The following TASOR2 variants were observed in gnomAD, a reference collection of about 807,000 sequenced individuals.
TASOR2 encodes protein TASOR 2.
TASOR2 carries 84 observed loss-of-function variants against 199.5 expected under a neutral mutation model. The ratio of observed to expected loss-of-function variants is 0.42; its 90% CI spans 0.35 to 0.50. The LOEUF (loss-of-function observed/expected upper bound fraction) is 0.50, where lower values mean the gene tolerates loss of function less well. TASOR2 is among the 20% of genes least tolerant of loss of function. The probability of loss-of-function intolerance (pLI) is 0.02; values close to 1 mark genes in which losing one functional copy is unlikely to be tolerated. For missense variants in TASOR2, 2,796 were observed against 2,835.9 expected (o/e 0.99, Z 0.32); for synonymous variants, 1,103 against 1,046.6 (o/e 1.05, Z -1.04).
At chr10:5,749,693 A>G (rs1419863311) in exon 15 of TASOR2, 1 of 1,614,116 alleles carries the variant, frequency 6.2e-7, no homozygotes, top group Non-Finnish European at 8.5e-7. Context: ...GTTTCATTCC[A>G]CCTCAACAAA....
At chr10:5,723,348 G>C (rs1833635132) in intron 6 of TASOR2, among the ~76,000 whole-genome samples, 1 of 151,974 alleles carries the variant, frequency 6.6e-6, no homozygotes, top group Non-Finnish European at 1.5e-5. Flanking sequence ...GAGCCACCGT[G>C]CCTGGCAAAT....
At chr10:5,734,551 T>G (rs1310340745) in intron 11 of TASOR2, among the ~76,000 whole-genome samples, 1 of 152,134 alleles carries the variant, frequency 6.6e-6, no homozygotes. Flanking sequence ...TCTCCAAATA[T>G]ATTGCTGTCT....
In TASOR2 at chr10:5,722,608, T is replaced by C. The variant is rs1197579196; in HGVS notation, c.147-1069T>C. 6.6e-6 allele frequency among the ~76,000 whole-genome samples: 1 copy of C among 152,186 alleles called. No homozygotes were observed. Among genetic ancestry groups the C allele is most frequent in the Non-Finnish European group, 1.5e-5 (1 of 68,030 alleles). ...AGAGAATGACAAAGCAAACATGGTA[T>C]ACTGTTAATATTTGGGAAATCTGGA... is the stretch of plus-strand genomic sequence containing the variant. On this transcript the variant is annotated intron_variant, in intron 6 of 20. Coordinates refer to ENST00000328090, the Ensembl canonical transcript of TASOR2. The surrounding 1 kb of genome is among the most constrained non-coding windows in gnomAD (Gnocchi z 4.0).
chr10:5,748,968 T>C lies in TASOR2; in HGVS notation c.5547T>C (p.Tyr1849=), dbSNP rs552836007. The change falls in exon 15 of 21, where the codon TAT becomes TAC. Residue 1849 remains tyrosine, a synonymous_variant. Transcript: ENST00000328090. The surrounding 1 kb of genome is among the most constrained non-coding windows in gnomAD (Gnocchi z 5.1). Reference sequence around the variant, plus strand: ...CCAGACTGGATTTGGAGGATTCTTATACTTTAAGAGGTAGTTACACCAGGA... The same window carrying C: ...CCAGACTGGATTTGGAGGATTCTTACACTTTAAGAGGTAGTTACACCAGGA... 71 of 1,614,132 alleles carry C rather than the reference T, an allele frequency of 4.4e-5. No individual in the cohort carries two copies. Among genetic ancestry groups the C allele is most frequent in the East Asian group, 8.9e-5 (4 of 44,866 alleles).
At chr10:5,724,468 G>C (rs778947171) in exon 8 of TASOR2, 1 of 1,540,888 alleles carries the variant, frequency 6.5e-7, no homozygotes, top group South Asian at 1.3e-5. Flanking sequence ...GTATGAGGTA[G>C]AACTGTCAAA....
At chr10:5,745,458 A>T (rs567832956) in intron 14 of TASOR2, among the ~76,000 whole-genome samples, 1 of 152,102 alleles carries the variant, frequency 6.6e-6, no homozygotes, top group African/African-American at 2.4e-5. Flanking sequence ...TTGAAAACGG[A>T]TGTTAAAAAT....
intron 11 of TASOR2, among the ~76,000 whole-genome samples, chr10:5,733,489 A>G (rs1372019298): frequency 6.6e-6 from 1 of 152,168 alleles, no homozygotes; most frequent in African/African-American, 2.4e-5. Flanking sequence ...ACAGAGCAAG[A>G]CTGCATCTCA....
chr10:5,747,037 G>A lies in TASOR2; in HGVS notation c.3616G>A (p.Val1206Met), dbSNP rs3814196. 3.3e-4 allele frequency: 531 copies of A among 1,614,178 alleles called. 4 individuals carry two copies. The East Asian group carries it at 0.011, about 33-fold the overall frequency. ...GCTTCTAGAACTGACACAGGTTGAAGTGGACTCATCATCAGCCTCTACCAC... is the reference window on the plus strand; with the variant it reads ...GCTTCTAGAACTGACACAGGTTGAAATGGACTCATCATCAGCCTCTACCAC... Residue 1206 changes from valine to methionine, a missense_variant, in exon 15 of 21, where the codon GTG becomes ATG. By Grantham distance (21) the Val-to-Met change is conservative (BLOSUM62 1). Around this residue, in one of 3 missense-constraint regions of TASOR2, gnomAD observed 1,941 missense variants for 1,924.9 expected, o/e 1.01. Coordinates refer to ENST00000328090, the Ensembl canonical transcript of TASOR2.
chr10:5,709,539 C>T (rs1052338942), intron 1 of TASOR2: 3 of 1,230,352 alleles, frequency 2.4e-6, no homozygotes. Flanking sequence ...GCATTTATGA[C>T]ATTAACAGAG....
rs376123732 is a variant in TASOR2 at position 5,761,275 on chromosome 10, A to G, written c.6993-15A>G. The G allele has an allele frequency of 3.8e-5, 61 of 1,603,928 alleles. No individual in the cohort carries two copies. The highest frequency in any genetic ancestry group is 1.0e-4 in the Admixed American group (6 of 58,994). On this transcript the variant is annotated splice_polypyrimidine_tract_variant and intron_variant, in intron 18 of 20. Transcript: ENST00000328090. The stretch of plus-strand genomic sequence containing the variant: ...AACTGAAAAATATTTTAATATGCCT[A>G]TGTATCTTTCACAGAGTGGATTCAA...
chr10:5,705,821 A>G (rs1488741116), intron 1 of TASOR2, among the ~76,000 whole-genome samples: 1 of 152,128 alleles, frequency 6.6e-6, no homozygotes, highest in African/African-American at 2.4e-5. Context: ...TACTTTACAA[A>G]TATTTCCCAT....
Position 5,689,682 on chromosome 10 carries a change from G to T in TASOR2, c.-288+4507G>T, listed in dbSNP as rs1376918000. ...GTAAATTGGAGATGTTTTTAAATGT[G>T]TTTATTCATAATTTATTAAATGTGA... On this transcript the variant is annotated intron_variant, in intron 1 of 20. Coordinates refer to ENST00000328090, the Ensembl canonical transcript of TASOR2. The surrounding 1 kb of genome is among the most constrained non-coding windows in gnomAD (Gnocchi z 4.1). Among the ~76,000 whole-genome samples the T allele has an allele frequency of 6.6e-6, 1 of 152,092 alleles. No homozygotes were observed. The highest frequency in any genetic ancestry group is 1.9e-4 in the East Asian group (1 of 5,196).
intron 1 of TASOR2, among the ~76,000 whole-genome samples, chr10:5,695,068 A>G (rs1836980590): frequency 6.6e-6 from 1 of 152,146 alleles, no homozygotes; most frequent in Non-Finnish European, 1.5e-5. Context: ...TTCGCATCTG[A>G]TTGCTTTGTA....
rs984979054 is a variant in TASOR2 at position 5,751,650 on chromosome 10, A to G, written c.6606+1623A>G. On this transcript the variant is annotated intron_variant, in intron 15 of 20. Transcript: ENST00000328090. This position sits in a 1 kb window ranked among gnomAD's most constrained non-coding sequence, Gnocchi z 5.3. ...GCTTATCGTGTATTTTCCTTGCCCT[A>G]GTCTTGAAGTCAAGCATTTCTCCAA... 6.6e-5 allele frequency among the ~76,000 whole-genome samples: 10 copies of G among 152,092 alleles called. No individual in the cohort carries two copies. The highest frequency in any genetic ancestry group is 5.9e-4 in the Admixed American group (9 of 15,272).
At chr10:5,744,081 A>C (rs188271966) in intron 14 of TASOR2, 2 of 152,348 alleles carry the variant, frequency 1.3e-5, no homozygotes, top group Admixed American at 6.5e-5. Flanking sequence ...TGTAGTAAAA[A>C]TATATCGAAA....
chr10:5,747,805 G>A (rs1240911469), exon 15 of TASOR2: 1 of 1,613,764 alleles, frequency 6.2e-7, no homozygotes, highest in African/African-American at 1.3e-5. Context: ...TACCCATCCA[G>A]TGGGGCAAGA....
Position 5,695,409 on chromosome 10 carries a change from A to G in TASOR2, c.-288+10234A>G, listed in dbSNP as rs142225562. Among the ~76,000 whole-genome samples, 25 of 152,360 alleles carry G rather than the reference A, an allele frequency of 1.6e-4. No individual in the cohort carries two copies. The East Asian group carries it at 4.8e-3, about 29-fold the overall frequency. ...TTGAGTAAATGACTATTGAGTACAT[A>G]CATATACACTAACAGCTAATTATTT... On this transcript the variant is annotated intron_variant, in intron 1 of 20. Coordinates refer to ENST00000328090, the Ensembl canonical transcript of TASOR2.
intron 1 of TASOR2, among the ~76,000 whole-genome samples, chr10:5,686,971 A>G (rs1029424043): frequency 6.6e-6 from 1 of 152,158 alleles, no homozygotes; most frequent in African/African-American, 2.4e-5. Flanking sequence ...TTTAAGTCCT[A>G]TAGAAAATCT....
chr10:5,732,676 G>C (rs1239088404), intron 11 of TASOR2, among the ~76,000 whole-genome samples: 1 of 152,160 alleles, frequency 6.6e-6, no homozygotes, highest in Non-Finnish European at 1.5e-5. Flanking sequence ...TCCTGCCTCA[G>C]CCTCTGGAGT....
Sources: gnomAD v4.1 joint callset for allele counts (sites outside exome capture counted in the v4.1 genomes callset) on GRCh38, gnomAD v4.1.1 for gene constraint, gnomAD v4.1.1 regional missense constraint, Gnocchi (gnomAD v3.1) non-coding constraint, MANE v1.5 for transcripts, NCBI Gene and HGNC (gene_info 2026-07-23, HGNC 2026-07-21) for gene names.